The following CACNB2 variants were observed in gnomAD, a reference collection of about 807,000 sequenced individuals.
CACNB2 encodes calcium voltage-gated channel auxiliary subunit beta 2, also known as voltage-dependent L-type calcium channel subunit beta-2.
CACNB2 carries 42 observed loss-of-function variants against 73.3 expected under a neutral mutation model. The observed-to-expected ratio is 0.57, with a 90% CI of 0.45 to 0.74. The LOEUF (loss-of-function observed/expected upper bound fraction) is 0.74. Among genes scored for constraint, CACNB2 ranks in the 30% least tolerant of loss-of-function variants. CACNB2 has a pLI of 0.00. For synonymous variants in CACNB2, 348 were observed against 310.3 expected (o/e 1.12, Z -1.28); for missense variants, 940 against 853.0 (o/e 1.10, Z -1.27).
intron 2 of CACNB2, among the ~76,000 whole-genome samples, chr10:18,354,706 G>C (rs1462510519): frequency 2.0e-5 from 3 of 152,198 alleles, no homozygotes. Flanking sequence ...CAACAGAGGA[G>C]TGGGGACTTC....
chr10:18,230,231 A>G (rs1208502431), intron 2 of CACNB2, among the ~76,000 whole-genome samples: 1 of 152,234 alleles, frequency 6.6e-6, no homozygotes, highest in Non-Finnish European at 1.5e-5. Flanking sequence ...AGAAAAAGTA[A>G]TAGAAATGTC....
intron 2 of CACNB2, chr10:18,400,874 G>A: frequency 1.3e-6 from 2 of 1,524,210 alleles, no homozygotes; most frequent in South Asian, 1.2e-5. Context: ...GAGTCCTCTG[G>A]GGCAGGGAGT....
intron 2 of CACNB2, chr10:18,260,428 C>T: frequency 1.0e-6 from 1 of 985,352 alleles, no homozygotes; most frequent in Non-Finnish European, 1.2e-6. Context: ...TGCTTTAACC[C>T]AGAAAATGAA....
At chr10:18,488,987 G>A (rs1262257116) in intron 3 of CACNB2, among the ~76,000 whole-genome samples, 2 of 151,968 alleles carry the variant, frequency 1.3e-5, no homozygotes, top group African/African-American at 2.4e-5. Flanking sequence ...AGACCAGCCT[G>A]GCTAACATGG....
At chr10:18,499,452 T>C (rs999255649) in intron 4 of CACNB2, among the ~76,000 whole-genome samples, 2 of 151,586 alleles carry the variant, frequency 1.3e-5, no homozygotes, top group Non-Finnish European at 2.9e-5. Context: ...CCGTCTCCAC[T>C]AAAAATACAA....
At chr10:18,533,542 TATG>T (rs2053271046) in intron 10 of CACNB2, among the ~76,000 whole-genome samples, 1 of 152,130 alleles carries the variant, frequency 6.6e-6, no homozygotes, top group Non-Finnish European at 1.5e-5. Context: ...GGTTGGAAAA[TATG>T]AGGTGTGTTT....
intron 2 of CACNB2, among the ~76,000 whole-genome samples, chr10:18,243,089 T>G (rs2036727520): frequency 6.6e-6 from 1 of 152,048 alleles, no homozygotes; most frequent in South Asian, 2.1e-4. Flanking sequence ...ATTTGATACT[T>G]TCTAAGTTGT....
At chr10:18,151,885 T>C (rs2031589241) in intron 2 of CACNB2, among the ~76,000 whole-genome samples, 1 of 152,196 alleles carries the variant, frequency 6.6e-6, no homozygotes. Flanking sequence ...CCTCGTGTCA[T>C]TTGGATGCCA....
At chr10:18,481,836 G>A (rs1184255727) in intron 3 of CACNB2, among the ~76,000 whole-genome samples, 1 of 152,136 alleles carries the variant, frequency 6.6e-6, no homozygotes, top group African/African-American at 2.4e-5. Context: ...TACAGATATG[G>A]ACAGCCATTA....
At chr10:18,244,136 A>G (rs767025830) in intron 2 of CACNB2, among the ~76,000 whole-genome samples, 2 of 152,186 alleles carry the variant, frequency 1.3e-5, no homozygotes, top group Non-Finnish European at 2.9e-5. Context: ...CTGCTTCTCC[A>G]TAGTGCAGTG....
Position 18,500,910 on chromosome 10 carries a change from G to A in CACNB2, c.555G>A (p.Gln185=). ...TCAAACTAGAAAACATGAGGCTGCA[G>A]CATGAACAGAGAGCCAAGCAAGGGA... ...SPVKLENMRL[Q]HEQRAKQGKF... is the part of the protein sequence containing the mutation. The change falls in exon 5 of 14, where the codon CAG becomes CAA. Residue 185 remains glutamine (Q), a synonymous_variant. Coordinates refer to ENST00000324631, the MANE Select transcript of CACNB2 (RefSeq NM_201596.3). The A allele has an allele frequency of 6.2e-7, 1 of 1,614,134 alleles. No homozygotes were observed. The highest frequency in any genetic ancestry group is 8.5e-7 in the Non-Finnish European group (1 of 1,179,998).
intron 2 of CACNB2, among the ~76,000 whole-genome samples, chr10:18,237,464 C>T (rs1487492023): frequency 6.6e-6 from 1 of 152,170 alleles, no homozygotes; most frequent in East Asian, 1.9e-4. Context: ...GGACTGCTGG[C>T]AACCTCAGAG....
intron 9 of CACNB2, among the ~76,000 whole-genome samples, chr10:18,524,488 C>G (rs1358383417): frequency 1.3e-5 from 2 of 150,940 alleles, no homozygotes; most frequent in African/African-American, 2.4e-5. Flanking sequence ...ATACCTGTTT[C>G]TACTAAAAGT....
intron 2 of CACNB2, among the ~76,000 whole-genome samples, chr10:18,290,393 A>T (rs78834161): frequency 0.015 from 2,251 of 151,942 alleles, 28 homozygotes; most frequent in Non-Finnish European, 0.022. Flanking sequence ...GTATATATAA[A>T]TGTCTTTGTG....
At chr10:18,168,852 G>T (rs2131137827) in intron 2 of CACNB2, among the ~76,000 whole-genome samples, 1 of 152,190 alleles carries the variant, frequency 6.6e-6, no homozygotes, top group Non-Finnish European at 1.5e-5. Flanking sequence ...TTTTAACTGT[G>T]GTTCCTTGAC....
At chr10:18,510,545 C>T (rs975629857) in intron 6 of CACNB2, among the ~76,000 whole-genome samples, 5 of 152,196 alleles carry the variant, frequency 3.3e-5, no homozygotes, top group Non-Finnish European at 7.3e-5. Context: ...TCAAGTGATC[C>T]ACCCACCATG....
intron 2 of CACNB2, among the ~76,000 whole-genome samples, chr10:18,347,945 T>C (rs2041537586): frequency 6.6e-6 from 1 of 151,756 alleles, no homozygotes; most frequent in African/African-American, 2.4e-5. Flanking sequence ...AACTTCCAAG[T>C]CTTTTACAGT....
intron 2 of CACNB2, among the ~76,000 whole-genome samples, chr10:18,243,904 T>C (rs1300319804): frequency 6.6e-6 from 1 of 152,140 alleles, no homozygotes; most frequent in Non-Finnish European, 1.5e-5. Context: ...CCATGGCAAA[T>C]GGACTAAGAC....
At chr10:18,443,236 A>G (rs989290724) in intron 3 of CACNB2, among the ~76,000 whole-genome samples, 1 of 151,826 alleles carries the variant, frequency 6.6e-6, no homozygotes, top group African/African-American at 2.4e-5. Context: ...ACAGTGAATC[A>G]GTGGGTCTGT....
Sources: allele counts gnomAD v4.1 joint callset (sites outside exome capture counted in the v4.1 genomes callset), GRCh38; gene constraint gnomAD v4.1.1; transcripts MANE v1.5; gene names NCBI Gene and HGNC (gene_info 2026-07-23, HGNC 2026-07-21).